COL22A1: variants seen among roughly 807,000 people sequenced by gnomAD.
The protein encoded by COL22A1 is collagen alpha-1(XXII) chain.
A neutral mutation model predicts 248.9 loss-of-function variants in COL22A1; 221 were observed. The ratio of observed to expected loss-of-function variants is 0.89; its 90% CI spans 0.80 to 0.99. The LOEUF (loss-of-function observed/expected upper bound fraction) is 0.99, where lower values mean the gene tolerates loss of function less well. Among genes scored for constraint, COL22A1 ranks in the 50% least tolerant of loss-of-function variants. COL22A1 has a pLI of 0.00. For synonymous variants in COL22A1, 891 were observed against 793.4 expected, an observed-to-expected ratio of 1.12 and a Z score of -2.07; for missense variants, 2,240 against 2,179.0, an observed-to-expected ratio of 1.03 and a Z score of -0.56.
At chr8:138,621,423 C>G (rs1819792898) in intron 52 of COL22A1, among the ~76,000 whole-genome samples, 1 of 152,164 alleles carries the variant, frequency 6.6e-6, no homozygotes, top group Non-Finnish European at 1.5e-5. Flanking sequence ...CATTCTCTTC[C>G]TCCCTCCCTC....
At chr8:138,874,649 C>A (rs1307061048) in intron 3 of COL22A1, among the ~76,000 whole-genome samples, 2 of 152,164 alleles carry the variant, frequency 1.3e-5, no homozygotes, top group Non-Finnish European at 1.5e-5. Flanking sequence ...GCTGTGGTGT[C>A]CCCAACTTGC....
chr8:138,796,733 C>T lies in COL22A1; in HGVS notation c.1596+86G>A, dbSNP rs572904350. ...TTCCCCCACTCGAATTCTTTCCAGG[C>T]AACATAACAGTAGCACACACCTCCC... On this transcript the variant is annotated intron_variant, in intron 12 of 64. Coordinates refer to ENST00000303045, the MANE Select transcript of COL22A1 (RefSeq NM_152888.3). 234 of 923,784 alleles carry T rather than the reference C, an allele frequency of 2.5e-4. 2 individuals are homozygous for T. In the South Asian group the frequency reaches 3.1e-3, roughly 12 times the overall value. The allele number at this position is 923,784 out of a possible 1,614,324, so 57.2% of individuals were successfully genotyped here. A position where few individuals can be genotyped will look rare whatever the true frequency, so the allele number is the denominator to read the frequency against.
Position 138,886,334 on chromosome 8 carries a change from T to C in COL22A1, c.-72-3090A>G, listed in dbSNP as rs536975012. On this transcript the variant is annotated intron_variant, in intron 1 of 64. Transcript: ENST00000303045. ...AGTGACTGCGTCTTATTGGTTTCTG[T>C]AGTACTGGTGGCCGGCACAAAGCCC... Among the ~76,000 whole-genome samples, 4 of 152,118 alleles carry C rather than the reference T, an allele frequency of 2.6e-5. No individual in the cohort carries two copies. In the South Asian group the frequency reaches 8.3e-4, roughly 32 times the overall value.
intron 21 of COL22A1, 40 bp from the exon 22 acceptor site, chr8:138,751,551 A>G: frequency 6.9e-7 from 1 of 1,453,388 alleles, no homozygotes; most frequent in Non-Finnish European, 9.6e-7. Flanking sequence ...GAGAAACATA[A>G]TGGTAAATGC....
intron 16 of COL22A1, among the ~76,000 whole-genome samples, chr8:138,767,672 T>G (rs1288233166): frequency 1.3e-5 from 2 of 152,206 alleles, no homozygotes; most frequent in Admixed American, 1.3e-4. Flanking sequence ...GTTCCCATTT[T>G]CACGGCAGAA....
rs750673426 is a variant in COL22A1 at position 138,598,707 on chromosome 8, T to A, written c.4365+12A>T. 1 of 1,609,030 alleles carries A rather than the reference T, an allele frequency of 6.2e-7. No homozygotes were observed. The highest frequency in any genetic ancestry group is 1.7e-5 in the Admixed American group (1 of 59,092). The stretch of plus-strand genomic sequence containing the variant: ...AGGAGCCCCGAGTCCAAAGCCATAT[T>A]AGCATCCTTACCCTCAGTCCTGGAA... On this transcript the variant is annotated intron_variant, in intron 61 of 64. Transcript: ENST00000303045.
intron 4 of COL22A1, among the ~76,000 whole-genome samples, chr8:138,840,397 G>A (rs2131851804): frequency 6.6e-6 from 1 of 152,152 alleles, no homozygotes; most frequent in South Asian, 2.1e-4. Flanking sequence ...GAGGCTTCAG[G>A]ACTCCTCTGG....
intron 10 of COL22A1, among the ~76,000 whole-genome samples, chr8:138,806,097 ATGGTGTGT>A (rs1817665123): frequency 4.3e-5 from 1 of 23,238 alleles, no homozygotes. Context: ...ATGGTGTGTG[ATGGTGTGT>A]TTGTGTGTGA....
intron 10 of COL22A1, among the ~76,000 whole-genome samples, chr8:138,805,565 TG>T (rs2131648790): frequency 7.5e-6 from 1 of 132,842 alleles, no homozygotes; most frequent in East Asian, 2.4e-4. Context: ...TGGTGTGTTA[TG>T]GTGTGTGTCT....
intron 13 of COL22A1, among the ~76,000 whole-genome samples, chr8:138,779,784 C>T (rs1052863205): frequency 6.6e-6 from 1 of 152,038 alleles, no homozygotes; most frequent in African/African-American, 2.4e-5. Flanking sequence ...TCTTTAGAAA[C>T]AGGGTCTGAT....
intron 41 of COL22A1, among the ~76,000 whole-genome samples, chr8:138,673,348 T>TACAGGCATGCGCCACCATG (rs1825213033): frequency 6.6e-6 from 1 of 152,058 alleles, no homozygotes; most frequent in Non-Finnish European, 1.5e-5. Context: ...TAGCTGAGAT[T>TACAGGCATGCGCCACCATG]ACAGGCATGC....
chr8:138,913,088 C>T (rs1166239952), intron 1 of COL22A1, among the ~76,000 whole-genome samples: 1 of 152,050 alleles, frequency 6.6e-6, no homozygotes, highest in Non-Finnish European at 1.5e-5. Context: ...GGATAAAATG[C>T]TCAAATAGAA....
intron 3 of COL22A1, among the ~76,000 whole-genome samples, chr8:138,867,606 A>G (rs1240709643): frequency 6.6e-6 from 1 of 152,144 alleles, no homozygotes; most frequent in East Asian, 1.9e-4. Context: ...ATTCCACTCT[A>G]GCCCCGCTGA....
chr8:138,827,602 C>T (rs1391827518), intron 5 of COL22A1, among the ~76,000 whole-genome samples: 1 of 152,122 alleles, frequency 6.6e-6, no homozygotes, highest in African/African-American at 2.4e-5. Context: ...CAGCCTCTCA[C>T]CTCAGGGAGG....
chr8:138,717,560 C>G (rs1829540529), intron 27 of COL22A1, among the ~76,000 whole-genome samples: 1 of 152,032 alleles, frequency 6.6e-6, no homozygotes, highest in African/African-American at 2.4e-5. Flanking sequence ...AGCTCTTGGG[C>G]TCAAAAAATT....
intron 11 of COL22A1, among the ~76,000 whole-genome samples, chr8:138,800,663 GC>G (rs1816924185): frequency 6.6e-6 from 1 of 152,130 alleles, no homozygotes; most frequent in African/African-American, 2.4e-5. Context: ...TATCAGGCAG[GC>G]AATAATGATC....
At chr8:138,682,192 G>A (rs1430848779) in intron 39 of COL22A1, among the ~76,000 whole-genome samples, 1 of 152,062 alleles carries the variant, frequency 6.6e-6, no homozygotes, top group Non-Finnish European at 1.5e-5. Context: ...TGGTTTCTGG[G>A]GCTTAGAATA....
chr8:138,720,354 C>T (rs1305091591), intron 27 of COL22A1, among the ~76,000 whole-genome samples: 1 of 152,086 alleles, frequency 6.6e-6, no homozygotes, highest in Non-Finnish European at 1.5e-5. Context: ...GTATCTGTTC[C>T]TCTCACTCCC....
intron 1 of COL22A1, among the ~76,000 whole-genome samples, chr8:138,913,196 C>T (rs1232646999): frequency 2.6e-5 from 4 of 151,996 alleles, no homozygotes; most frequent in Admixed American, 2.6e-4. Flanking sequence ...TCCATTTCCC[C>T]CGCATCTTTT....
Sources: gnomAD v4.1 joint callset for allele counts (sites outside exome capture counted in the v4.1 genomes callset) on GRCh38, gnomAD v4.1.1 for gene constraint, MANE v1.5 for transcripts, NCBI Gene and HGNC (gene_info 2026-07-23, HGNC 2026-07-21) for gene names.